The following KCND3 variants were observed in gnomAD, a reference collection of about 807,000 sequenced individuals.
The protein encoded by KCND3 is A-type voltage-gated potassium channel KCND3.
In KCND3, 9 loss-of-function variants were observed where a neutral mutation model predicts 51.1. The observed-to-expected ratio is 0.18, with a 90% confidence interval of 0.11 to 0.31. KCND3 has a LOEUF of 0.31. Ranked by LOEUF, KCND3 falls within the 10% of genes least tolerant of loss-of-function variation. The pLI is 1.00. For missense variants in KCND3, 526 were observed against 903.8 expected (o/e 0.58, Z 5.36); for synonymous variants, 349 against 368.0 (o/e 0.95, Z 0.59).
At chr1:111,821,895 C>T (rs939787969) in intron 2 of KCND3, among the ~76,000 whole-genome samples, 8 of 152,064 alleles carry the variant, frequency 5.3e-5, no homozygotes, top group African/African-American at 1.2e-4. Context: ...ACAGAAGATG[C>T]GGGGTTCATC....
chr1:111,963,101 G>C (rs1342735272), intron 2 of KCND3, among the ~76,000 whole-genome samples: 1 of 152,098 alleles, frequency 6.6e-6, no homozygotes, highest in Non-Finnish European at 1.5e-5. Flanking sequence ...TCCCCAGCTG[G>C]GTCTCCAATG....
At chr1:111,952,466 T>G (rs1411211402) in intron 2 of KCND3, among the ~76,000 whole-genome samples, 1 of 152,170 alleles carries the variant, frequency 6.6e-6, no homozygotes, top group East Asian at 1.9e-4. Context: ...GAGTGATTCA[T>G]TTTGTCCCAG....
intron 2 of KCND3, among the ~76,000 whole-genome samples, chr1:111,907,281 A>G (rs1474615814): frequency 6.6e-6 from 1 of 152,358 alleles, no homozygotes; most frequent in Non-Finnish European, 1.5e-5. Context: ...AAAATAACAA[A>G]GGGGAAGACT....
rs979696227 is a variant in KCND3 at position 111,780,166 on chromosome 1, G to C, written c.1461+59C>G. The C allele has an allele frequency of 1.4e-6, 2 of 1,466,230 alleles. No homozygotes were observed. Among genetic ancestry groups the C allele is most frequent in the Admixed American group, 2.0e-5 (1 of 50,946 alleles). The allele number at this position is 1,466,230 out of a possible 1,614,324, so 90.8% of individuals were successfully genotyped here. On this transcript the variant is annotated intron_variant, in intron 5 of 7. Coordinates refer to ENST00000302127, the MANE Select transcript of KCND3 (RefSeq NM_001378969.1). The surrounding 1 kb of genome is among the most constrained non-coding windows in gnomAD (Gnocchi z 4.2). ...GGCCCAGAGTGAAGATGTGAGTACA[G>C]CCTTAGAAAAGGGTCAGGGTCAGCG... is the stretch of plus-strand genomic sequence containing the variant.
intron 2 of KCND3, among the ~76,000 whole-genome samples, chr1:111,877,283 T>C (rs1669093794): frequency 6.6e-6 from 1 of 152,374 alleles, no homozygotes; most frequent in South Asian, 2.1e-4. Flanking sequence ...TACAGTGGAA[T>C]TGGGATGAGG....
chr1:111,811,006 A>T (rs1665821812), intron 2 of KCND3, among the ~76,000 whole-genome samples: 1 of 152,212 alleles, frequency 6.6e-6, no homozygotes, highest in African/African-American at 2.4e-5. Context: ...GGGCCTCAGG[A>T]AGGCTGACAC....
intron 2 of KCND3, among the ~76,000 whole-genome samples, chr1:111,968,973 G>C (rs535172053): frequency 1.1e-4 from 17 of 152,206 alleles, no homozygotes; most frequent in Admixed American, 9.2e-4. Context: ...TATTATAAAA[G>C]ATATTTACAT....
intron 2 of KCND3, among the ~76,000 whole-genome samples, chr1:111,962,129 C>T (rs7545937): frequency 0.39 from 59,490 of 152,056 alleles, 11,713 homozygotes; most frequent in East Asian, 0.43. Flanking sequence ...CTGGTCTAGG[C>T]ACATTATAAA....
At chr1:111,900,786 G>A (rs6681479) in intron 2 of KCND3, among the ~76,000 whole-genome samples, 13,978 of 152,054 alleles carry the variant, frequency 0.092, 837 homozygotes, top group African/African-American at 0.17. Flanking sequence ...GTGAAACCCC[G>A]TCTCTACTAA....
intron 2 of KCND3, among the ~76,000 whole-genome samples, chr1:111,904,450 C>G (rs1670544429): frequency 6.6e-6 from 1 of 152,196 alleles, no homozygotes; most frequent in Non-Finnish European, 1.5e-5. Flanking sequence ...TCTCTTCCCT[C>G]TTGCTTTACT....
chr1:111,919,820 T>C (rs1162457878), intron 2 of KCND3, among the ~76,000 whole-genome samples: 1 of 152,202 alleles, frequency 6.6e-6, no homozygotes, highest in Non-Finnish European at 1.5e-5. Context: ...AGATGGCATC[T>C]TGGGACTGTT....
rs1017729214 is a variant in KCND3, at chr1:111,771,629, T to A, written c.*4448A>T. Reference sequence around the variant, plus strand: ...CATAATGTCCCAATGTACATTTTCCTTGTCTACAATCTAATAAGTGATATC... The same window carrying A: ...CATAATGTCCCAATGTACATTTTCCATGTCTACAATCTAATAAGTGATATC... On this transcript the variant is annotated 3_prime_UTR_variant, in exon 8 of 8. Coordinates refer to ENST00000302127, the MANE Select transcript of KCND3 (RefSeq NM_001378969.1). The A allele has an allele frequency of 3.3e-5, 5 of 152,234 alleles. No individual in the cohort carries two copies. The allele number at this position is 152,234 out of a possible 1,614,324, so 9.4% of individuals were successfully genotyped here. A position where few individuals can be genotyped will look rare whatever the true frequency, so the allele number is the denominator to read the frequency against.
chr1:111,895,699 C>T (rs915354230), intron 2 of KCND3, among the ~76,000 whole-genome samples: 1 of 152,190 alleles, frequency 6.6e-6, no homozygotes, highest in Non-Finnish European at 1.5e-5. Flanking sequence ...AATGCGCTAG[C>T]GCGCCTGCCG....
intron 2 of KCND3, among the ~76,000 whole-genome samples, chr1:111,822,189 ATGTT>A (rs1666381404): frequency 6.6e-6 from 1 of 152,034 alleles, no homozygotes; most frequent in East Asian, 1.9e-4. Flanking sequence ...AAATTAAAAT[ATGTT>A]TGTCGTGTAA....
intron 2 of KCND3, among the ~76,000 whole-genome samples, chr1:111,938,809 G>A (rs532333871): frequency 1.2e-4 from 18 of 152,308 alleles, no homozygotes; most frequent in African/African-American, 4.3e-4. Flanking sequence ...GGATGTGCCA[G>A]CCACAGCAAG....
intron 2 of KCND3, among the ~76,000 whole-genome samples, chr1:111,836,838 T>A (rs1667091047): frequency 6.6e-6 from 1 of 152,192 alleles, no homozygotes; most frequent in Non-Finnish European, 1.5e-5. Flanking sequence ...CAGTCTGGCC[T>A]TGACTTCTCT....
chr1:111,926,624 G>A (rs1314520388), intron 2 of KCND3, among the ~76,000 whole-genome samples: 1 of 152,258 alleles, frequency 6.6e-6, no homozygotes, highest in Non-Finnish European at 1.5e-5. Flanking sequence ...GCTAGAGTGG[G>A]GAAGTGGCTT....
chr1:111,791,640 A>T (rs1226138890), intron 2 of KCND3, among the ~76,000 whole-genome samples: 1 of 152,194 alleles, frequency 6.6e-6, no homozygotes, highest in Non-Finnish European at 1.5e-5. Context: ...AGCGATGGTG[A>T]TGAGGCTGCT....
chr1:111,793,777 G>A (rs1664942421), intron 2 of KCND3, among the ~76,000 whole-genome samples: 1 of 152,108 alleles, frequency 6.6e-6, no homozygotes, highest in Non-Finnish European at 1.5e-5. Flanking sequence ...TATTTTCTCT[G>A]TGGAATTTTG....
Sources: gnomAD v4.1 joint callset for allele counts (sites outside exome capture counted in the v4.1 genomes callset) on GRCh38, gnomAD v4.1.1 for gene constraint, Gnocchi (gnomAD v3.1) non-coding constraint, MANE v1.5 for transcripts, NCBI Gene and HGNC (gene_info 2026-07-23, HGNC 2026-07-21) for gene names.